The following SECISBP2 variants were observed in gnomAD, a reference collection of about 807,000 sequenced individuals.
SECISBP2 encodes SECIS binding protein 2.
SECISBP2 carries 96 observed loss-of-function variants against 98.2 expected under a neutral mutation model. The ratio of observed to expected loss-of-function variants is 0.98; its 90% CI spans 0.83 to 1.16. The LOEUF (loss-of-function observed/expected upper bound fraction) is 1.16. SECISBP2 is among the 50% of genes most tolerant of loss of function. The pLI, the probability that SECISBP2 is intolerant of heterozygous loss-of-function variation, is 0.00. For missense variants in SECISBP2, 1,046 were observed against 1,022.9 expected (o/e 1.02, Z -0.31); for synonymous variants, 407 against 370.2 (o/e 1.10, Z -1.14).
At chr9:89,353,965 G>T (rs1831678647) in intron 14 of SECISBP2, among the ~76,000 whole-genome samples, 1 of 152,226 alleles carries the variant, frequency 6.6e-6, no homozygotes, top group African/African-American at 2.4e-5. Context: ...CCAATGGCTT[G>T]CAGTCATCTT....
At chr9:89,342,696 C>T (rs929587120) in intron 10 of SECISBP2, among the ~76,000 whole-genome samples, 2 of 152,048 alleles carry the variant, frequency 1.3e-5, no homozygotes, top group Non-Finnish European at 2.9e-5. Context: ...GTGATTCCAC[C>T]TAAAAGAAAT....
chr9:89,338,611 GAT>G (rs764180944), intron 8 of SECISBP2, 31 bp downstream of exon 8: 19 of 1,604,354 alleles, frequency 1.2e-5, no homozygotes, highest in Non-Finnish European at 1.6e-5. Context: ...CACATGGTGT[GAT>G]ATAATAAGTG....
the SECISBP2 span, among the ~76,000 whole-genome samples, chr9:89,366,524 A>AG: frequency 5.1e-4 from 77 of 152,338 alleles, 1 homozygote; most frequent in African/African-American, 1.8e-3. Flanking sequence ...TTAAAAAAAA[A>AG]CAAAACTTAA....
At chr9:89,363,709 A>G, downstream of SECISBP2, 1 of 1,603,758 alleles carries the variant, frequency 6.2e-7, no homozygotes, top group South Asian at 1.1e-5. Context: ...TTACCTCATA[A>G]AAGGGTAACA....
downstream of SECISBP2, chr9:89,363,982 C>G: frequency 6.2e-7 from 1 of 1,613,892 alleles, no homozygotes; most frequent in South Asian, 1.1e-5. Flanking sequence ...ACCTCTGAGT[C>G]CACATTTAGG....
In SECISBP2 at chr9:89,319,723, G is replaced by A. The variant is rs1391032057; in HGVS notation, c.108G>A (p.Glu36=). The change falls in exon 2 of 17, where the codon GAG becomes GAA. Residue 36 remains glutamate (E), a synonymous_variant. Transcript: ENST00000375807. ...CCGGGCTCAATGTGGCATGGTTAGA[G>A]TCCTCAGAAGCATGTGTCTTCCCCA... ...RFAGLNVAWL[E]SSEACVFPSS... is the part of the protein sequence containing the mutation. 4 of 1,613,990 alleles carry A rather than the reference G, an allele frequency of 2.5e-6. No homozygotes were observed. Among genetic ancestry groups the A allele is most frequent in the African/African-American group, 2.7e-5 (2 of 74,900 alleles).
At chr9:89,338,310 T>C (rs1186776220) in intron 7 of SECISBP2, 148 bp from the exon 8 acceptor site, 5 of 951,356 alleles carry the variant, frequency 5.3e-6, no homozygotes, top group Admixed American at 2.6e-5. Context: ...TGCTGGCTTT[T>C]TAAAAAACAG....
chr9:89,357,536 G>C lies in SECISBP2; in HGVS notation c.2239G>C (p.Val747Leu), dbSNP rs752630804. 6.8e-6 allele frequency: 11 copies of C among 1,614,090 alleles called. No individual in the cohort carries two copies. Among genetic ancestry groups the C allele is most frequent in the South Asian group, 1.1e-5 (1 of 91,084 alleles). Reference sequence around the variant, plus strand: ...GAATAAGGCAGTTCCTGTCAGTGTGGTGGGGATCTTCAGCTATGATGGGGC... The same window carrying C: ...GAATAAGGCAGTTCCTGTCAGTGTGCTGGGGATCTTCAGCTATGATGGGGC... ...SLNKAVPVSV[V>L]GIFSYDGAQD... The change falls in exon 15 of 17, where the codon GTG becomes CTG. Residue 747 changes from valine (V) to leucine (L), a missense_variant. Transcript: ENST00000375807.
At chr9:89,329,814 A>G (rs1202307105) in intron 5 of SECISBP2, 2 of 152,224 alleles carry the variant, frequency 1.3e-5, no homozygotes, top group Non-Finnish European at 2.9e-5. Flanking sequence ...GTGCCTCAGA[A>G]GGAAAAGGTT....
intron 1 of SECISBP2, chr9:89,318,891 AG>A: frequency 8.0e-7 from 1 of 1,242,948 alleles, no homozygotes; most frequent in East Asian, 3.3e-5. Flanking sequence ...CGCTCCCCGC[AG>A]TCGGGGCGGG....
chr9:89,319,416 C>T (rs143785250), intron 1 of SECISBP2, among the ~76,000 whole-genome samples: 13 of 152,088 alleles, frequency 8.5e-5, no homozygotes, highest in Admixed American at 7.2e-4. Context: ...TTTATTTCCA[C>T]TTGAATTCGT....
At position 89,319,822 on chromosome 9, in the gene SECISBP2, C is replaced by T. The variant is rs771461052; in HGVS notation, c.182+25C>T. The T allele has an allele frequency of 1.2e-5, 20 of 1,612,096 alleles. No homozygotes were observed. The East Asian group carries it at 2.5e-4, about 20-fold the overall frequency. On this transcript the variant is annotated intron_variant, in intron 2 of 16. Transcript: ENST00000375807. ...AGTATGTATCTTTCTAAAAGTCTTA[C>T]CTAGGGGCTTACATTTTGGATTTAA...
At chr9:89,363,607 A>G, downstream of SECISBP2, 12 of 1,597,900 alleles carry the variant, frequency 7.5e-6, no homozygotes, top group Non-Finnish European at 1.0e-5. Context: ...CACCTTTCTC[A>G]ATGGAAAGCC....
intron 1 of SECISBP2, 178 bp downstream of exon 1, chr9:89,318,790 G>C: frequency 8.0e-7 from 1 of 1,255,602 alleles, no homozygotes; most frequent in South Asian, 2.2e-5. Flanking sequence ...TCCGCCTTGG[G>C]GTGGCGGTCA....
At chr9:89,328,150 T>G (rs1827090100) in intron 4 of SECISBP2, among the ~76,000 whole-genome samples, 1 of 152,234 alleles carries the variant, frequency 6.6e-6, no homozygotes, top group African/African-American at 2.4e-5. Context: ...AGATAAAAAG[T>G]ATAATACATA....
chr9:89,347,159 A>C (rs1206565262), intron 11 of SECISBP2, 111 bp downstream of exon 11: 1 of 1,119,608 alleles, frequency 8.9e-7, no homozygotes, highest in Non-Finnish European at 1.3e-6. Flanking sequence ...TATTACTTGA[A>C]TATGTTGTAG....
Position 89,347,023 on chromosome 9 carries a change from C to G in SECISBP2, c.1577C>G (p.Ala526Gly). Reference protein sequence around the residue: ...KKGKQREIPKAKKPTSLKKII... With the variant: ...KKGKQREIPKGKKPTSLKKII... ...GGGAAGCAGAGGGAGATCCCCAAGG[C>G]CAAGAAGCCAACCTCACTGAAGAAG... The change falls in exon 11 of 17, where the codon GCC becomes GGC. Residue 526 changes from alanine to glycine, a missense_variant. Ala to Gly is a moderately conservative substitution (Grantham distance 60). Transcript: ENST00000375807. 6.2e-7 allele frequency: 1 copy of G among 1,614,138 alleles called. No individual in the cohort carries two copies. The highest frequency in any genetic ancestry group is 8.5e-7 in the Non-Finnish European group (1 of 1,180,006).
At chr9:89,363,515 T>C (rs774872954), downstream of SECISBP2, 5 of 1,614,098 alleles carry the variant, frequency 3.1e-6, no homozygotes, top group South Asian at 1.1e-5. Flanking sequence ...CCACCTCTCC[T>C]GGTGGGTCAC....
intron 14 of SECISBP2, chr9:89,354,755 G>T (rs953238837): frequency 3.0e-6 from 3 of 985,270 alleles, no homozygotes; most frequent in Non-Finnish European, 3.6e-6. Context: ...CTGTTAGGTT[G>T]TTTCTGCACA....
Sources: allele counts gnomAD v4.1 joint callset (sites outside exome capture counted in the v4.1 genomes callset), GRCh38; gene constraint gnomAD v4.1.1; transcripts MANE v1.5; gene names NCBI Gene and HGNC (gene_info 2026-07-23, HGNC 2026-07-21).